The following MAN1A1 variants were observed in gnomAD, a reference collection of about 807,000 sequenced individuals.
MAN1A1 encodes mannosyl-oligosaccharide 1,2-alpha-mannosidase IA.
MAN1A1 carries 29 observed loss-of-function variants against 70.8 expected under a neutral mutation model. That is an observed-to-expected ratio of 0.41 (90% CI 0.31 to 0.56). The LOEUF is 0.56. Among genes scored for constraint, MAN1A1 ranks in the 20% least tolerant of loss-of-function variants. MAN1A1 has a pLI of 0.29. For missense variants in MAN1A1, 747 were observed against 841.3 expected, an observed-to-expected ratio of 0.89 and a Z score of 1.39; for synonymous variants, 349 against 330.1, an observed-to-expected ratio of 1.06 and a Z score of -0.62.
At chr6:119,249,132 A>T (rs1259313648) in intron 5 of MAN1A1, among the ~76,000 whole-genome samples, 2 of 152,122 alleles carry the variant, frequency 1.3e-5, no homozygotes, top group Non-Finnish European at 2.9e-5. Context: ...AAAAGTAAAG[A>T]GGGAATCCCT....
At chr6:119,270,869 TA>T (rs2114375481) in intron 5 of MAN1A1, among the ~76,000 whole-genome samples, 1 of 152,356 alleles carries the variant, frequency 6.6e-6, no homozygotes, top group South Asian at 2.1e-4. Context: ...GAGTTAAAAC[TA>T]TGGTCATCCC....
intron 2 of MAN1A1, among the ~76,000 whole-genome samples, chr6:119,325,118 T>C (rs1344834984): frequency 1.3e-5 from 2 of 152,172 alleles, no homozygotes; most frequent in African/African-American, 2.4e-5. Context: ...ACTTTACATA[T>C]ATCAACACAT....
rs1318979695 is a variant in MAN1A1, at chr6:119,180,071, T to C, written c.1836-126A>G. On this transcript the variant is annotated intron_variant, in intron 12 of 12. Coordinates refer to ENST00000368468, the MANE Select transcript of MAN1A1 (RefSeq NM_005907.4). ...CCAAGAAACATGGACAAGAGTCAAATATATCAAAACCCTGAGGGGTTATAC... is the reference window on the plus strand; with the variant it reads ...CCAAGAAACATGGACAAGAGTCAAACATATCAAAACCCTGAGGGGTTATAC... 4.8e-6 allele frequency: 5 copies of C among 1,045,966 alleles called. No individual in the cohort carries two copies. In the African/African-American group the frequency reaches 8.0e-5, roughly 17 times the overall value. The allele number at this position is 1,045,966 out of a possible 1,614,324, so 64.8% of individuals were successfully genotyped here.
rs1773388033 is a variant in MAN1A1, at chr6:119,189,725, T to C, written c.1485A>G (p.Gln495=). The change falls in exon 10 of 13, where the codon CAA becomes CAG. Residue 495 remains glutamine (Q), a synonymous_variant. Coordinates refer to ENST00000368468, the MANE Select transcript of MAN1A1 (RefSeq NM_005907.4). ...TTTCAGCCCCGAGTTCAAGGTAGTG[T>C]TGGGCCATGCCTTCGGGAGCTGCAT... is the stretch of plus-strand genomic sequence containing the variant. ...GADAAPEGMA[Q]HYLELGAEIA... is the part of the protein sequence containing the mutation. The C allele has an allele frequency of 6.2e-7, 1 of 1,614,108 alleles. No individual in the cohort carries two copies. Among genetic ancestry groups the C allele is most frequent in the Non-Finnish European group, 8.5e-7 (1 of 1,180,016 alleles).
intron 2 of MAN1A1, among the ~76,000 whole-genome samples, chr6:119,321,924 A>T (rs1219009436): frequency 6.6e-6 from 1 of 152,050 alleles, no homozygotes; most frequent in Non-Finnish European, 1.5e-5. Flanking sequence ...GGCCCTGCAA[A>T]TGTTTACTTT....
chr6:119,177,936 T>A lies in MAN1A1; in HGVS notation c.*1883A>T, dbSNP rs1773047660. The A allele has an allele frequency of 6.6e-6, 1 of 152,156 alleles. No individual in the cohort carries two copies. The highest frequency in any genetic ancestry group is 1.5e-5 in the Non-Finnish European group (1 of 67,968). The allele number at this position is 152,156 out of a possible 1,614,324, so 9.4% of individuals were successfully genotyped here. A position where few individuals can be genotyped will look rare whatever the true frequency, so the allele number is the denominator to read the frequency against. The stretch of plus-strand genomic sequence containing the variant: ...ATTTATACAAACATTATATTCTTAA[T>A]TTTGGCAATAATTTTTAATATTTTG... On this transcript the variant is annotated 3_prime_UTR_variant, in exon 13 of 13. Coordinates refer to ENST00000368468, the MANE Select transcript of MAN1A1 (RefSeq NM_005907.4).
chr6:119,292,763 A>T (rs1162629700), intron 4 of MAN1A1, among the ~76,000 whole-genome samples: 2 of 152,052 alleles, frequency 1.3e-5, no homozygotes, highest in African/African-American at 4.8e-5. Flanking sequence ...ATAATTTGTA[A>T]TGTGCACCTG....
intron 8 of MAN1A1, among the ~76,000 whole-genome samples, chr6:119,197,553 T>C (rs181676336): frequency 1.2e-3 from 178 of 152,164 alleles, no homozygotes; most frequent in Non-Finnish European, 7.1e-4. Context: ...AGGGAAAGAA[T>C]AGAGGAAAAG....
intron 6 of MAN1A1, among the ~76,000 whole-genome samples, chr6:119,241,134 T>G (rs1774992721): frequency 6.6e-6 from 1 of 152,186 alleles, no homozygotes; most frequent in South Asian, 2.1e-4. Flanking sequence ...TAAAGTTTAC[T>G]TTCTAGTCTC....
intron 6 of MAN1A1, among the ~76,000 whole-genome samples, chr6:119,245,040 A>G (rs758165412): frequency 6.6e-6 from 1 of 152,176 alleles, no homozygotes; most frequent in Non-Finnish European, 1.5e-5. Flanking sequence ...CAATAAGTTC[A>G]CACTGTTGTT....
chr6:119,253,237 T>A (rs1438027716), intron 5 of MAN1A1, among the ~76,000 whole-genome samples: 1 of 152,012 alleles, frequency 6.6e-6, no homozygotes, highest in Non-Finnish European at 1.5e-5. Context: ...TAATGGTCAC[T>A]GTTTGGTGGT....
At chr6:119,302,127 G>T in intron 3 of MAN1A1, 24 bp from the exon 4 acceptor site, 1 of 1,147,952 alleles carries the variant, frequency 8.7e-7, no homozygotes, top group African/African-American at 1.5e-5. Context: ...AAAAATATTT[G>T]ATAAAATACT....
At chr6:119,330,075 ATGT>A (rs1341837997) in intron 2 of MAN1A1, among the ~76,000 whole-genome samples, 3 of 152,128 alleles carry the variant, frequency 2.0e-5, no homozygotes, top group Non-Finnish European at 4.4e-5. Context: ...CATCCTGTAA[ATGT>A]TGATGTTCCT....
At chr6:119,246,921 A>C (rs1775182699) in intron 6 of MAN1A1, among the ~76,000 whole-genome samples, 1 of 152,128 alleles carries the variant, frequency 6.6e-6, no homozygotes, top group Admixed American at 6.5e-5. Context: ...CTGAGGCATC[A>C]CATTCTGCAA....
chr6:119,198,761 C>A (rs1239158310), intron 8 of MAN1A1, among the ~76,000 whole-genome samples: 2 of 152,138 alleles, frequency 1.3e-5, no homozygotes, highest in African/African-American at 4.8e-5. Flanking sequence ...ACTTTCAATC[C>A]TTTGCTATAT....
intron 7 of MAN1A1, among the ~76,000 whole-genome samples, chr6:119,203,198 G>A (rs188089667): frequency 6.6e-6 from 1 of 152,168 alleles, no homozygotes; most frequent in Non-Finnish European, 1.5e-5. Flanking sequence ...ATGGTAACCC[G>A]AGCTGATTGA....
At chr6:119,198,958 G>A (rs1224762913) in intron 8 of MAN1A1, among the ~76,000 whole-genome samples, 1 of 152,100 alleles carries the variant, frequency 6.6e-6, no homozygotes, top group East Asian at 1.9e-4. Flanking sequence ...TTACATCAAT[G>A]AATTTTCGTA....
intron 6 of MAN1A1, among the ~76,000 whole-genome samples, chr6:119,228,491 T>C (rs1407881867): frequency 6.6e-6 from 1 of 152,144 alleles, no homozygotes; most frequent in Non-Finnish European, 1.5e-5. Flanking sequence ...CAAATATACA[T>C]AATGGAATAC....
intron 6 of MAN1A1, among the ~76,000 whole-genome samples, chr6:119,236,645 T>A (rs1774852968): frequency 1.3e-5 from 2 of 148,570 alleles, no homozygotes; most frequent in Admixed American, 1.4e-4. Flanking sequence ...GAGGTGGAGG[T>A]TGCAGTGAGT....
Sources: allele counts gnomAD v4.1 joint callset (sites outside exome capture counted in the v4.1 genomes callset), GRCh38; gene constraint gnomAD v4.1.1; transcripts MANE v1.5; gene names NCBI Gene and HGNC (gene_info 2026-07-23, HGNC 2026-07-21).